LRFN2: variants seen among roughly 807,000 people sequenced by gnomAD.
LRFN2 encodes leucine rich repeat and fibronectin type III domain containing 2, also known as leucine-rich repeat and fibronectin type-III domain-containing protein 2.
A neutral mutation model predicts 37.3 loss-of-function variants in LRFN2; 18 were observed. The ratio of observed to expected loss-of-function variants is 0.48; its 90% confidence interval spans 0.33 to 0.72. LRFN2 has a LOEUF of 0.72. Ranked by LOEUF, LRFN2 falls within the 30% of genes least tolerant of loss-of-function variation. The pLI is 0.02. For synonymous variants in LRFN2, 556 were observed against 466.6 expected (o/e 1.19, Z -2.47); for missense variants, 1,006 against 1,060.7 (o/e 0.95, Z 0.72).
At chr6:40,513,669 T>A (rs1199267919) in intron 1 of LRFN2, among the ~76,000 whole-genome samples, 1 of 152,082 alleles carries the variant, frequency 6.6e-6, no homozygotes, top group Non-Finnish European at 1.5e-5. Context: ...CCAATTAAGT[T>A]AACTATATAA....
chr6:40,529,402 A>C (rs1444572744), intron 1 of LRFN2, among the ~76,000 whole-genome samples: 1 of 152,212 alleles, frequency 6.6e-6, no homozygotes, highest in Non-Finnish European at 1.5e-5. Flanking sequence ...GCTTACTTAA[A>C]TTTGTGGACC....
intron 1 of LRFN2, among the ~76,000 whole-genome samples, chr6:40,493,309 C>T (rs1283569547): frequency 6.6e-6 from 1 of 152,116 alleles, no homozygotes; most frequent in Non-Finnish European, 1.5e-5. Context: ...TACTTGGAGT[C>T]CTGACTTGAA....
chr6:40,496,059 C>T (rs577241703), intron 1 of LRFN2, among the ~76,000 whole-genome samples: 23 of 152,162 alleles, frequency 1.5e-4, no homozygotes, highest in Non-Finnish European at 3.2e-4. Flanking sequence ...GCCCCACCAT[C>T]CACCCATCCA....
chr6:40,533,190 C>G (rs1302046446), intron 1 of LRFN2, among the ~76,000 whole-genome samples: 1 of 151,862 alleles, frequency 6.6e-6, no homozygotes, highest in African/African-American at 2.4e-5. Flanking sequence ...GTCTCTCTTT[C>G]TCTCTCTGTC....
At chr6:40,586,006 G>A (rs1022095377) in intron 1 of LRFN2, among the ~76,000 whole-genome samples, 2 of 152,182 alleles carry the variant, frequency 1.3e-5, no homozygotes, top group African/African-American at 4.8e-5. Context: ...CTGTCGCCGG[G>A]TGCATTTGGC....
At chr6:40,469,723 C>A (rs1035852257) in intron 1 of LRFN2, among the ~76,000 whole-genome samples, 1 of 152,168 alleles carries the variant, frequency 6.6e-6, no homozygotes, top group African/African-American at 2.4e-5. Context: ...GAGGCCCTGG[C>A]AGGGGCCTTT....
intron 1 of LRFN2, among the ~76,000 whole-genome samples, chr6:40,565,676 A>G (rs1767077289): frequency 6.6e-6 from 1 of 151,722 alleles, no homozygotes; most frequent in Admixed American, 6.6e-5. Context: ...AAAACTGGCT[A>G]GCCATATGTA....
intron 2 of LRFN2, among the ~76,000 whole-genome samples, chr6:40,430,600 T>C (rs1337470426): frequency 6.6e-6 from 1 of 152,264 alleles, no homozygotes; most frequent in Non-Finnish European, 1.5e-5. Context: ...TGGCCTTCTG[T>C]CACTCTGTGA....
intron 2 of LRFN2, among the ~76,000 whole-genome samples, chr6:40,393,376 A>G (rs1762554198): frequency 6.6e-6 from 1 of 151,948 alleles, no homozygotes. Flanking sequence ...GAAAATCCAG[A>G]TATATGGAAA....
rs7755351 is a variant in LRFN2 at position 40,584,263 on chromosome 6, G to A, written c.-19+2678C>T. Among the ~76,000 whole-genome samples the A allele has an allele frequency of 2.3e-3, 357 of 152,252 alleles. 1 individual carries two copies. The highest frequency in any genetic ancestry group is 8.1e-3 in the African/African-American group (335 of 41,542). On this transcript the variant is annotated intron_variant, in intron 1 of 2. Transcript: ENST00000338305. ...TCCCAGATCTGAAAAGCGGTTTGGG[G>A]ACTGCCAGGAAAACATCAGGTCATA...
In LRFN2 at chr6:40,511,887, T is replaced by C. The variant is rs369519225; in HGVS notation, c.-19+75054A>G. Among the ~76,000 whole-genome samples, 7 of 152,274 alleles carry C rather than the reference T, an allele frequency of 4.6e-5. No individual in the cohort carries two copies. In the East Asian group the frequency reaches 7.7e-4, roughly 17 times the overall value. On this transcript the variant is annotated intron_variant, in intron 1 of 2. Coordinates refer to ENST00000338305, the MANE Select transcript of LRFN2 (RefSeq NM_020737.3). ...TGCAAGAGGTGTAGGTTTCAATTAA[T>C]TGTAACTCTCTTCCTTGACCAAAGG...
chr6:40,424,486 C>A (rs558038702), intron 2 of LRFN2, among the ~76,000 whole-genome samples: 12 of 152,248 alleles, frequency 7.9e-5, no homozygotes, highest in African/African-American at 2.6e-4. Context: ...GTAAAATCTA[C>A]GCAATCTGTT....
chr6:40,392,381 G>A lies in LRFN2; in HGVS notation c.1932C>T (p.Pro644=), dbSNP rs763002135. The A allele has an allele frequency of 7.5e-6, 12 of 1,590,940 alleles. No homozygotes were observed. The African/African-American group carries it at 1.3e-4, about 18-fold the overall frequency. ...GLGRAPWRIP[P]SAPRPKPSLD... is the part of the protein sequence containing the mutation. ...GGCTGGGCTTGGGGCGCGGGGCGGAGGGTGGGATCCTCCAGGGGGCCCGTC... is the reference window on the plus strand; with the variant it reads ...GGCTGGGCTTGGGGCGCGGGGCGGAAGGTGGGATCCTCCAGGGGGCCCGTC... The change falls in exon 3 of 3, where the codon CCC becomes CCT. Residue 644 remains proline, a synonymous_variant. Transcript: ENST00000338305. The surrounding 1 kb of genome is among the most constrained non-coding windows in gnomAD (Gnocchi z 4.7).
chr6:40,564,717 T>C (rs867988281), intron 1 of LRFN2, among the ~76,000 whole-genome samples: 1 of 152,302 alleles, frequency 6.6e-6, no homozygotes. Context: ...TCTGGGTTCC[T>C]TTCCCTTAAA....
intron 2 of LRFN2, among the ~76,000 whole-genome samples, chr6:40,426,134 C>T (rs974432030): frequency 6.6e-6 from 1 of 152,148 alleles, no homozygotes; most frequent in African/African-American, 2.4e-5. Flanking sequence ...TGACACAGTG[C>T]CCCCAACTAG....
At chr6:40,520,997 A>G (rs544391373) in intron 1 of LRFN2, among the ~76,000 whole-genome samples, 3 of 152,300 alleles carry the variant, frequency 2.0e-5, no homozygotes, top group Admixed American at 1.3e-4. Flanking sequence ...AGAAGCCACT[A>G]GAGAGACAGT....
intron 1 of LRFN2, among the ~76,000 whole-genome samples, chr6:40,502,883 G>A (rs547752818): frequency 6.6e-6 from 1 of 152,230 alleles, no homozygotes; most frequent in African/African-American, 2.4e-5. Context: ...CCCAGGAAGA[G>A]CTCTGAAGCT....
chr6:40,525,641 G>A (rs914318148), intron 1 of LRFN2, among the ~76,000 whole-genome samples: 10 of 152,000 alleles, frequency 6.6e-5, no homozygotes, highest in South Asian at 2.1e-4. Context: ...CACATGCTCC[G>A]AGCCCACCCT....
chr6:40,548,368 G>A (rs187231715), intron 1 of LRFN2, among the ~76,000 whole-genome samples: 234 of 152,052 alleles, frequency 1.5e-3, no homozygotes, highest in African/African-American at 5.1e-3. Context: ...TTGAACCTGG[G>A]AGGCGGAGGT....
Sources: allele counts gnomAD v4.1 joint callset (sites outside exome capture counted in the v4.1 genomes callset), GRCh38; gene constraint gnomAD v4.1.1; non-coding constraint Gnocchi (gnomAD v3.1); transcripts MANE v1.5; gene names NCBI Gene and HGNC (gene_info 2026-07-23, HGNC 2026-07-21).